Variants in ITGA10 observed in about 807,000 individuals in gnomAD.
The protein encoded by ITGA10 is integrin subunit alpha 10.
In ITGA10, 105 loss-of-function variants were observed where a neutral mutation model predicts 145.2. The ratio of observed to expected loss-of-function variants is 0.72; its 90% confidence interval spans 0.62 to 0.85. The LOEUF (loss-of-function observed/expected upper bound fraction) is 0.85. Ranked by LOEUF, ITGA10 falls within the 40% of genes least tolerant of loss-of-function variation. ITGA10 has a pLI of 0.00. For synonymous variants in ITGA10, 506 were observed against 557.8 expected (o/e 0.91, Z 1.31); for missense variants, 1,317 against 1,444.5 (o/e 0.91, Z 1.43).
At chr1:145,909,857 G>A (rs1657659750) in intron 1 of ITGA10, 106 bp downstream of exon 1, 13 of 953,220 alleles carry the variant, frequency 1.4e-5, no homozygotes, top group Admixed American at 3.5e-5. Context: ...ACCAGTGTTC[G>A]CTTCCTAACC....
At chr1:145,909,718 A>ATAATATATAATTATACATTATAT (rs1657649398) in intron 1 of ITGA10, among the ~76,000 whole-genome samples, 1 of 144,680 alleles carries the variant, frequency 6.9e-6, no homozygotes, top group Non-Finnish European at 1.5e-5. Context: ...TATATTATAT[A>ATAATATATAATTATACATTATAT]ATTATTAGAT....
At chr1:145,895,198 G>T (rs1001052461) in intron 27 of ITGA10, 82 bp downstream of exon 27, 10 of 922,008 alleles carry the variant, frequency 1.1e-5, no homozygotes, top group Admixed American at 8.6e-5. Context: ...AAACTTGAAC[G>T]TGGGTCTGTC....
At chr1:145,896,175 A>C (rs1559191524) in intron 24 of ITGA10, 79 bp from the exon 25 acceptor site, 2 of 1,486,444 alleles carry the variant, frequency 1.3e-6, no homozygotes, top group African/African-American at 2.8e-5. Flanking sequence ...CCTAGATACC[A>C]TTAAAATCCA....
Position 145,899,331 on chromosome 1 carries a change from T to C in ITGA10, c.1933A>G (p.Ile645Val), listed in dbSNP as rs1553746997. ...GAAILLSSRPIVHLTPSLEVT... is the reference protein window; with the variant it reads ...GAAILLSSRPVVHLTPSLEVT... ...TCCAGTGATGGGGTCAGATGGACAA[T>C]GGGCCGGGAGCTGGGAACAGTGTGG... The change falls in exon 16 of 30, where the codon ATT (isoleucine) becomes GTT (valine). Residue 645 changes from isoleucine (I) to valine (V), a missense_variant. Ile to Val is a conservative substitution (Grantham distance 29). Coordinates refer to ENST00000369304, the MANE Select transcript of ITGA10 (RefSeq NM_003637.5). 4 of 1,613,976 alleles carry C rather than the reference T, an allele frequency of 2.5e-6. No homozygotes were observed. Among genetic ancestry groups the C allele is most frequent in the Non-Finnish European group, 3.4e-6 (4 of 1,179,960 alleles).
Position 145,899,084 on chromosome 1 carries a change from T to A in ITGA10, c.2090-6A>T. 6.2e-7 allele frequency: 1 copy of A among 1,614,244 alleles called. No individual in the cohort carries two copies. The highest frequency in any genetic ancestry group is 2.2e-5 in the East Asian group (1 of 44,888). The stretch of plus-strand genomic sequence containing the variant: ...TGATGCGGTGAACCTCATGTCTGAA[T>A]GAAGGAGGCAAGAGTGAGGGTGGAA... On this transcript the variant is annotated splice_region_variant and splice_polypyrimidine_tract_variant and intron_variant, in intron 16 of 29. Transcript: ENST00000369304.
chr1:145,892,410 A>T lies in ITGA10; in HGVS notation c.*388T>A. On this transcript the variant is annotated 3_prime_UTR_variant, in exon 30 of 30. Coordinates refer to ENST00000369304, the MANE Select transcript of ITGA10 (RefSeq NM_003637.5). ...AGTGAGAGGGTGGAAGAATCGAGGAAGATAACCCTCATCCTTTCCAAACTG... is the reference window on the plus strand; with the variant it reads ...AGTGAGAGGGTGGAAGAATCGAGGATGATAACCCTCATCCTTTCCAAACTG... 1 of 173,982 alleles carries T rather than the reference A, an allele frequency of 5.7e-6. No homozygotes were observed. Among genetic ancestry groups the T allele is most frequent in the Non-Finnish European group, 1.2e-5 (1 of 81,794 alleles). 10.8% of individuals were successfully genotyped at this position (173,982 alleles called of 1,614,324 possible). A position where few individuals can be genotyped will look rare whatever the true frequency, so the allele number is the denominator to read the frequency against.
intron 6 of ITGA10, 36 bp downstream of exon 6, chr1:145,904,647 CA>C: frequency 6.2e-7 from 1 of 1,610,714 alleles, no homozygotes; most frequent in Non-Finnish European, 8.5e-7. Context: ...GTAGGTGCCA[CA>C]AGCAACTGTG....
rs1053374304 is a variant in ITGA10 at position 145,892,535 on chromosome 1, T to G, written c.*263A>C. On this transcript the variant is annotated 3_prime_UTR_variant, in exon 30 of 30. Transcript: ENST00000369304. ...AGGACCCCAAACAAAAGCCCCAGTG[T>G]TGGCTATGGAACCAGGATCACGAGG... 4 of 384,728 alleles carry G rather than the reference T, an allele frequency of 1.0e-5. No individual in the cohort carries two copies. The Admixed American group carries it at 1.7e-4, about 16-fold the overall frequency. The allele number at this position is 384,728 out of a possible 1,614,324, so 23.8% of individuals were successfully genotyped here.
chr1:145,899,879 T>A (rs1273599319), intron 15 of ITGA10, among the ~76,000 whole-genome samples, 178 bp downstream of exon 15: 2 of 152,202 alleles, frequency 1.3e-5, no homozygotes, highest in East Asian at 3.8e-4. Flanking sequence ...ATTATCTCAT[T>A]TAATCTTCAC....
At chr1:145,907,599 C>T (rs2101836934) in intron 1 of ITGA10, 134 bp from the exon 2 acceptor site, 1 of 1,480,240 alleles carries the variant, frequency 6.8e-7, no homozygotes, top group South Asian at 1.4e-5. Flanking sequence ...TCTGGCCTCT[C>T]TCAGTGTCAT....
intron 18 of ITGA10, 100 bp downstream of exon 18, chr1:145,898,010 A>G (rs1655684328): frequency 1.6e-6 from 2 of 1,274,980 alleles, no homozygotes; most frequent in Non-Finnish European, 2.3e-6. Flanking sequence ...AGAGGAGCCC[A>G]GGTCAGATTT....
chr1:145,908,770 G>C (rs1657481694), intron 1 of ITGA10, among the ~76,000 whole-genome samples: 1 of 152,148 alleles, frequency 6.6e-6, no homozygotes, highest in South Asian at 2.1e-4. Flanking sequence ...TATGTGAGCA[G>C]TTTTGCATCC....
rs1553749472 is a variant in ITGA10 at position 145,902,817 on chromosome 1, C to T, written c.903G>A (p.Gly301=). The T allele has an allele frequency of 6.2e-7, 1 of 1,608,504 alleles. No individual in the cohort carries two copies. Among genetic ancestry groups the T allele is most frequent in the Non-Finnish European group, 8.5e-7 (1 of 1,177,202 alleles). ...ATCCAGGGTGAATTCTCACTGCAAT[C>T]CCATAGCGTGTCACTCTTCCAGCCT... ...ACEAGRVTRY[G]IAVLGHYLRR... is the part of the protein sequence containing the mutation. The change falls in exon 8 of 30, where the codon GGG becomes GGA. Residue 301 remains glycine, a synonymous_variant. Coordinates refer to ENST00000369304, the MANE Select transcript of ITGA10 (RefSeq NM_003637.5).
chr1:145,897,256 A>G lies in ITGA10; in HGVS notation c.2658T>C (p.Thr886=). ...LCSVGHPVFQ[T]GAKVTFLLEF... ...CTAGACCCCAACCCACCTTGGCTCC[A>G]GTCTGGAAGACAGGATGCCCCACAC... Residue 886 remains threonine (T), a synonymous_variant, in exon 21 of 30, where the codon ACT becomes ACC. Transcript: ENST00000369304. The G allele has an allele frequency of 6.2e-7, 1 of 1,613,968 alleles. No individual in the cohort carries two copies. Among genetic ancestry groups the G allele is most frequent in the South Asian group, 1.1e-5 (1 of 91,080 alleles).
At chr1:145,903,022 C>CAT in intron 7 of ITGA10, 61 bp from the exon 8 acceptor site, 1 of 584,996 alleles carries the variant, frequency 1.7e-6, no homozygotes, top group Non-Finnish European at 2.6e-6. Flanking sequence ...CACACACACA[C>CAT]ATACACACAC....
intron 18 of ITGA10, 101 bp from the exon 19 acceptor site, chr1:145,898,001 G>C (rs1655683453): frequency 7.8e-7 from 1 of 1,280,256 alleles, no homozygotes. Context: ...ATTTTGATTA[G>C]AGGAGCCCAG....
In ITGA10 at chr1:145,904,157, G is replaced by C; in HGVS notation, c.653C>G (p.Ser218Cys). The C allele has an allele frequency of 6.2e-7, 1 of 1,614,048 alleles. No individual in the cohort carries two copies. The highest frequency in any genetic ancestry group is 8.5e-7 in the Non-Finnish European group (1 of 1,179,992). The change falls in exon 7 of 30, where the codon TCC (serine) becomes TGC (cysteine). Residue 218 changes from serine (S) to cysteine (C), a missense_variant. Physicochemically the swap from Ser to Cys is moderately radical, Grantham distance 112. Transcript: ENST00000369304. ...TTCCTTCGTTCGGAAATCTCCCAGG[G>C]ACCACTCATGTACAGGGCTCTCCCC... ...QYGESPVHEW[S>C]LGDFRTKEEV...
chr1:145,892,354 T>A lies in ITGA10; in HGVS notation c.*444A>T, dbSNP rs1553743432. 6.3e-6 allele frequency: 1 copy of A among 157,610 alleles called. No individual in the cohort carries two copies. The highest frequency in any genetic ancestry group is 1.9e-4 in the East Asian group (1 of 5,354). The allele number at this position is 157,610 out of a possible 1,614,324, so 9.8% of individuals were successfully genotyped here. On this transcript the variant is annotated 3_prime_UTR_variant, in exon 30 of 30. Coordinates refer to ENST00000369304, the MANE Select transcript of ITGA10 (RefSeq NM_003637.5). ...TTACTCCTTTCAAGCCAACGTCAGC[T>A]CCCTCCTGTGGAGTGGGGAACAGGC...
Position 145,896,839 on chromosome 1 carries a change from C to A in ITGA10, c.2764G>T (p.Gly922Trp). ...TASSDSLERN[G>W]TLQDNTAQTS... The stretch of plus-strand genomic sequence containing the variant: ...TGGGCTGTGTTATCTTGAAGGGTCC[C>A]ATTTCTCTCCAGGCTGTCACTGTAG... Residue 922 changes from glycine (G) to tryptophan (W), a missense_variant, in exon 23 of 30, where the codon GGG becomes TGG. Coordinates refer to ENST00000369304, the MANE Select transcript of ITGA10 (RefSeq NM_003637.5). 1 of 1,613,990 alleles carries A rather than the reference C, an allele frequency of 6.2e-7. No individual in the cohort carries two copies. Among genetic ancestry groups the A allele is most frequent in the Non-Finnish European group, 8.5e-7 (1 of 1,179,922 alleles).
Sources: gnomAD v4.1 joint callset for allele counts (sites outside exome capture counted in the v4.1 genomes callset) on GRCh38, gnomAD v4.1.1 for gene constraint, MANE v1.5 for transcripts, NCBI Gene and HGNC (gene_info 2026-07-23, HGNC 2026-07-21) for gene names.